Variants in APRT observed in about 807,000 individuals in gnomAD.
APRT encodes the protein adenine phosphoribosyltransferase, also known as AMP diphosphorylase.
In APRT, 25 loss-of-function variants were observed where a neutral mutation model predicts 21.0. The observed-to-expected ratio is 1.19, with a 90% CI of 0.87 to 1.66. The LOEUF is 1.66. Ranked by LOEUF, APRT falls within the 40% of genes most tolerant of loss-of-function variation. The pLI is 0.00. For synonymous variants in APRT, 153 were observed against 109.0 expected (o/e 1.40, Z -2.52); for missense variants, 294 against 232.7 (o/e 1.26, Z -1.72).
chr16:88,811,774 G>A, intron 1 of APRT, 46 bp downstream of exon 1: 1 of 1,525,936 alleles, frequency 6.6e-7, no homozygotes, highest in Non-Finnish European at 8.8e-7. Flanking sequence ...GCTCCCATCC[G>A]TAGGCCCGCA....
intron 2 of APRT, chr16:88,811,179 C>T (rs538511587): frequency 1.6e-5 from 7 of 447,574 alleles, no homozygotes; most frequent in South Asian, 1.2e-4. Context: ...GTGGGCATTC[C>T]GTGATCTTCA....
chr16:88,811,038 C>T lies in APRT; in HGVS notation c.188-482G>A, dbSNP rs1452335224. 10 of 273,142 alleles carry T rather than the reference C, an allele frequency of 3.7e-5. No homozygotes were observed. The East Asian group carries it at 4.1e-4, about 11-fold the overall frequency. 16.9% of individuals were successfully genotyped at this position (273,142 alleles called of 1,614,324 possible). ...GTGTTGTGGCTCCAGCAAGAGCTGGCGCTTTCCTCAGGGCAGTGTCCAGGG... is the reference window on the plus strand; with the variant it reads ...GTGTTGTGGCTCCAGCAAGAGCTGGTGCTTTCCTCAGGGCAGTGTCCAGGG... On this transcript the variant is annotated intron_variant, in intron 2 of 4. Transcript: ENST00000378364.
At position 88,811,655 on chromosome 16, in the gene APRT, C is replaced by T; in HGVS notation, c.82G>A (p.Asp28Asn). ...GGGTCCTTCAGGACGGGCGAGATGT[C>T]CCTGGACCCAAGGACAGGCCTGGTG... ...DFPTPGVVFRDISPVLKDPAS... is the reference protein window; with the variant it reads ...DFPTPGVVFRNISPVLKDPAS... Residue 28 changes from aspartate (D) to asparagine (N), a missense_variant and splice_region_variant, in exon 2 of 5, where the codon GAC becomes AAC. By Grantham distance (23) the Asp-to-Asn change is conservative. Coordinates refer to ENST00000378364, the MANE Select transcript of APRT (RefSeq NM_000485.3). 1 of 1,588,170 alleles carries T rather than the reference C, an allele frequency of 6.3e-7. No individual in the cohort carries two copies. Among genetic ancestry groups the T allele is most frequent in the Non-Finnish European group, 8.6e-7 (1 of 1,166,794 alleles).
At chr16:88,810,921 T>C (rs538298549) in intron 2 of APRT, among the ~76,000 whole-genome samples, 2 of 152,020 alleles carry the variant, frequency 1.3e-5, no homozygotes, top group African/African-American at 4.8e-5. Flanking sequence ...GCCTGAGCTG[T>C]GATGGTTGGG....
intron 4 of APRT, 92 bp downstream of exon 4, chr16:88,809,978 A>C: frequency 6.4e-7 from 1 of 1,568,002 alleles, no homozygotes. Context: ...TCTGGACAAC[A>C]GTAAGCTGCA....
intron 4 of APRT, 83 bp downstream of exon 4, chr16:88,809,987 C>T (rs1567504574): frequency 4.5e-6 from 7 of 1,568,020 alleles, no homozygotes; most frequent in Non-Finnish European, 5.2e-6. Context: ...CAGTAAGCTG[C>T]ATCCCATGTC....
In APRT at chr16:88,809,619, G is replaced by GC; in HGVS notation, c.*78dup. 2 of 1,596,278 alleles carry GC rather than the reference G, an allele frequency of 1.3e-6. No homozygotes were observed. Among genetic ancestry groups the GC allele is most frequent in the Non-Finnish European group, 1.7e-6 (2 of 1,166,252 alleles). On this transcript the variant is annotated 3_prime_UTR_variant, in exon 5 of 5. Coordinates refer to ENST00000378364, the MANE Select transcript of APRT (RefSeq NM_000485.3). ...AATGTGTTCCCTGTGGGCAGCCGGTGCCCCTGGTCACTGCAGTTGCCCAAG... is the reference window on the plus strand; with the variant it reads ...AATGTGTTCCCTGTGGGCAGCCGGTGCCCCCTGGTCACTGCAGTTGCCCAAG...
At chr16:88,810,016 C>T in intron 4 of APRT, 54 bp downstream of exon 4, 1 of 1,597,582 alleles carries the variant, frequency 6.3e-7, no homozygotes, top group Non-Finnish European at 8.6e-7. Flanking sequence ...AGGTCCTGTC[C>T]CACTCCCACC....
chr16:88,811,924 A>C lies in APRT; in HGVS notation c.-25T>G, dbSNP rs905973902. 6.5e-7 allele frequency: 1 copy of C among 1,535,062 alleles called. No homozygotes were observed. Among genetic ancestry groups the C allele is most frequent in the East Asian group, 2.5e-5 (1 of 40,366 alleles). Reference sequence around the variant, plus strand: ...TGGCCGCGTGCGAAGAGCCAGCGGCAGCCCGAGCGCGCCTGCGCGGGGACG... The same window carrying C: ...TGGCCGCGTGCGAAGAGCCAGCGGCCGCCCGAGCGCGCCTGCGCGGGGACG... On this transcript the variant is annotated 5_prime_UTR_variant, in exon 1 of 5. Transcript: ENST00000378364.
At position 88,810,683 on chromosome 16, in the gene APRT, T is replaced by C. The variant is rs1158353096; in HGVS notation, c.188-127A>G. ...CCAGTGACATGCACCATTTAAGGAATGTTACCCATCACCTACCCGGAGCTG... is the reference window on the plus strand; with the variant it reads ...CCAGTGACATGCACCATTTAAGGAACGTTACCCATCACCTACCCGGAGCTG... On this transcript the variant is annotated intron_variant, in intron 2 of 4. Transcript: ENST00000378364. 5 of 1,274,492 alleles carry C rather than the reference T, an allele frequency of 3.9e-6. No individual in the cohort carries two copies. In the Admixed American group the frequency reaches 8.3e-5, roughly 21 times the overall value. 78.9% of individuals were successfully genotyped at this position (1,274,492 alleles called of 1,614,324 possible). A position where few individuals can be genotyped will look rare whatever the true frequency, so the allele number is the denominator to read the frequency against.
Position 88,809,907 on chromosome 16 carries a change from C to A in APRT, c.401-67G>T, listed in dbSNP as rs555354866. Reference sequence around the variant, plus strand: ...AGAGAGCAGGTGCTCCAGGCCAGCCCCTGGGTTGGGGAGGGGAAGGCATGG... The same window carrying A: ...AGAGAGCAGGTGCTCCAGGCCAGCCACTGGGTTGGGGAGGGGAAGGCATGG... On this transcript the variant is annotated intron_variant, in intron 4 of 4. Coordinates refer to ENST00000378364, the MANE Select transcript of APRT (RefSeq NM_000485.3). 4.4e-6 allele frequency: 7 copies of A among 1,595,450 alleles called. No individual in the cohort carries two copies. The African/African-American group carries it at 6.7e-5, about 15-fold the overall frequency.
At chr16:88,810,868 T>C (rs751784031) in intron 2 of APRT, among the ~76,000 whole-genome samples, 25 of 152,128 alleles carry the variant, frequency 1.6e-4, no homozygotes, top group Non-Finnish European at 2.6e-4. Context: ...CAAAGGCAGC[T>C]CTGCACCAGG....
chr16:88,809,564 C>T lies in APRT; in HGVS notation c.*134G>A. The stretch of plus-strand genomic sequence containing the variant: ...TGCCCCAGGCTTTGGCACTTCCAGC[C>T]CCAGGAGAGGCGCTGAACCCCAGCA... On this transcript the variant is annotated 3_prime_UTR_variant, in exon 5 of 5. Coordinates refer to ENST00000378364, the MANE Select transcript of APRT (RefSeq NM_000485.3). 1 of 1,415,394 alleles carries T rather than the reference C, an allele frequency of 7.1e-7. No individual in the cohort carries two copies. Among genetic ancestry groups the T allele is most frequent in the Non-Finnish European group, 9.8e-7 (1 of 1,016,708 alleles). The allele number at this position is 1,415,394 out of a possible 1,614,324, so 87.7% of individuals were successfully genotyped here.
chr16:88,809,366 C>A lies in APRT; in HGVS notation c.*332G>T. On this transcript the variant is annotated 3_prime_UTR_variant, in exon 5 of 5. Transcript: ENST00000378364. Reference sequence around the variant, plus strand: ...CCTGAGGTGAGAACCAGGACAGGTTCTGCTGGGCATCACGCCAAGCAGCAC... The same window carrying A: ...CCTGAGGTGAGAACCAGGACAGGTTATGCTGGGCATCACGCCAAGCAGCAC... 2.1e-6 allele frequency: 1 copy of A among 481,980 alleles called. No individual in the cohort carries two copies. The highest frequency in any genetic ancestry group is 4.0e-6 in the Non-Finnish European group (1 of 249,686). The allele number at this position is 481,980 out of a possible 1,614,324, so 29.9% of individuals were successfully genotyped here.
Position 88,811,564 on chromosome 16 carries a change from A to G in APRT, c.173T>C (p.Ile58Thr), listed in dbSNP as rs1325535447. The change falls in exon 2 of 5, where the codon ATC becomes ACC. Residue 58 changes from isoleucine to threonine, a missense_variant. By Grantham distance (89) the Ile-to-Thr change is moderately conservative (BLOSUM62 -1). Transcript: ENST00000378364. ...RHLKATHGGR[I>T]DYIAGLDSRG... ...TGGGCACTCGCCTGCGATGTAGTCGATGCGGCCCCCGTGGGTCGCCTTCAG... is the reference window on the plus strand; with the variant it reads ...TGGGCACTCGCCTGCGATGTAGTCGGTGCGGCCCCCGTGGGTCGCCTTCAG... 1.3e-6 allele frequency: 2 copies of G among 1,598,300 alleles called. No homozygotes were observed. The highest frequency in any genetic ancestry group is 2.3e-5 in the East Asian group (1 of 44,128).
chr16:88,811,063 G>C (rs1183261118), intron 2 of APRT: 1 of 281,814 alleles, frequency 3.5e-6, no homozygotes, highest in East Asian at 7.4e-5. Context: ...AGTGTCCAGG[G>C]AGTGGGCTGT....
rs758054373 is a variant in APRT, at chr16:88,811,892, T to C, written c.8A>G (p.Asp3Gly). 13 of 1,554,014 alleles carry C rather than the reference T, an allele frequency of 8.4e-6. No homozygotes were observed. In the African/African-American group the frequency reaches 1.2e-4, roughly 15 times the overall value. MADSELQLVEQRI... is the reference protein window; with the variant it reads MAGSELQLVEQRI... Reference sequence around the variant, plus strand: ...CTGCTCAACCAGCTGCAGCTCGGAGTCGGCCATGGCCGCGTGCGAAGAGCC... The same window carrying C: ...CTGCTCAACCAGCTGCAGCTCGGAGCCGGCCATGGCCGCGTGCGAAGAGCC... The change falls in exon 1 of 5, where the codon GAC (aspartate) becomes GGC (glycine). Residue 3 changes from aspartate to glycine, a missense_variant. By Grantham distance (94) the Asp-to-Gly change is moderately conservative (BLOSUM62 -1). Transcript: ENST00000378364.
intron 4 of APRT, 23 bp from the exon 5 acceptor site, chr16:88,809,863 C>T: frequency 1.9e-6 from 3 of 1,608,058 alleles, no homozygotes; most frequent in East Asian, 4.5e-5. Flanking sequence ...GGGTGAGGTC[C>T]CCAGTTGGCC....
intron 4 of APRT, 111 bp from the exon 5 acceptor site, chr16:88,809,951 C>G: frequency 6.4e-7 from 1 of 1,573,582 alleles, no homozygotes; most frequent in Admixed American, 1.7e-5. Context: ...AGGTGTCGGC[C>G]TGGCCACCAG....
Sources: allele counts gnomAD v4.1 joint callset (sites outside exome capture counted in the v4.1 genomes callset), GRCh38; gene constraint gnomAD v4.1.1; transcripts MANE v1.5; gene names NCBI Gene and HGNC (gene_info 2026-07-23, HGNC 2026-07-21).